UGT2A3: variants seen among roughly 807,000 people sequenced by gnomAD.
The protein encoded by UGT2A3 is UDP-glucuronosyltransferase 2A3.
A neutral mutation model predicts 44.1 loss-of-function variants in UGT2A3; 55 were observed. The ratio of observed to expected loss-of-function variants is 1.25; its 90% CI spans 1.00 to 1.56. The LOEUF (loss-of-function observed/expected upper bound fraction) is 1.56, where lower values mean the gene tolerates loss of function less well. UGT2A3 is among the 40% of genes most tolerant of loss of function. The pLI is 0.00. For synonymous variants in UGT2A3, 243 were observed against 215.1 expected (o/e 1.13, Z -1.13); for missense variants, 733 against 621.6 (o/e 1.18, Z -1.91).
chr4:68,947,423 T>C lies in UGT2A3; in HGVS notation c.716-1969A>G, dbSNP rs146086137. ...TTAGACAAACCTTCAGGCCCACTTA[T>C]AATTCTATTTCTTTTTTCATGACCA... On this transcript the variant is annotated intron_variant, in intron 1 of 5. Coordinates refer to ENST00000251566, the MANE Select transcript of UGT2A3 (RefSeq NM_024743.4). Among the ~76,000 whole-genome samples the C allele has an allele frequency of 3.3e-3, 498 of 151,878 alleles. 3 individuals are homozygous for C. The highest frequency in any genetic ancestry group is 0.012 in the African/African-American group (479 of 41,528).
chr4:68,932,094 T>A (rs913339349), intron 3 of UGT2A3, among the ~76,000 whole-genome samples: 3 of 151,974 alleles, frequency 2.0e-5, no homozygotes, highest in African/African-American at 4.8e-5. Context: ...TGGAGTATCA[T>A]AAATAATTAC....
chr4:68,945,855 T>C (rs1718367853), intron 1 of UGT2A3, among the ~76,000 whole-genome samples: 1 of 151,646 alleles, frequency 6.6e-6, no homozygotes, highest in Non-Finnish European at 1.5e-5. Context: ...CCTCTGCAAG[T>C]GAATTGCAGA....
At chr4:68,943,272 G>A (rs1296193776) in intron 2 of UGT2A3, 15 of 1,215,960 alleles carry the variant, frequency 1.2e-5, no homozygotes, top group Non-Finnish European at 1.5e-5. Flanking sequence ...AGAATGGCAT[G>A]GGAGATTACC....
intron 2 of UGT2A3, among the ~76,000 whole-genome samples, chr4:68,942,560 T>A (rs1456292779): frequency 6.8e-6 from 1 of 146,208 alleles, no homozygotes; most frequent in Non-Finnish European, 1.5e-5. Context: ...TGTTTATATA[T>A]ATCCATTTCA....
intron 1 of UGT2A3, among the ~76,000 whole-genome samples, chr4:68,946,453 A>G (rs541991802): frequency 1.3e-5 from 2 of 151,760 alleles, no homozygotes; most frequent in Non-Finnish European, 1.5e-5. Flanking sequence ...GTTTGAAGTT[A>G]TCAGAAATTA....
intron 1 of UGT2A3, 103 bp downstream of exon 1, chr4:68,950,943 A>C: frequency 1.2e-6 from 1 of 800,478 alleles, no homozygotes; most frequent in Middle Eastern, 3.2e-4. Flanking sequence ...CATTTTCTAA[A>C]AAAACTCATT....
Position 68,945,440 on chromosome 4 carries a change from A to G in UGT2A3, c.730T>C (p.Leu244=), listed in dbSNP as rs371785528. The change falls in exon 2 of 6, where the codon TTA becomes CTA. Residue 244 remains leucine (L), a synonymous_variant. Coordinates refer to ENST00000251566, the MANE Select transcript of UGT2A3 (RefSeq NM_024743.4). The part of the protein sequence containing the change: ...YSKALGRPTT[L]CETVGKAEIW... Reference sequence around the variant, plus strand: ...TCAGCTTTTCCCACAGTCTCACATAATGTAGTGGGCCTTCCTCAATAAAAG... The same window carrying G: ...TCAGCTTTTCCCACAGTCTCACATAGTGTAGTGGGCCTTCCTCAATAAAAG... The G allele has an allele frequency of 8.7e-6, 14 of 1,609,366 alleles. No individual in the cohort carries two copies. In the African/African-American group the frequency reaches 1.6e-4, roughly 18 times the overall value.
Position 68,948,441 on chromosome 4 carries a change from T to TC in UGT2A3, c.715+2604_715+2605insG, listed in dbSNP as rs1476375252. ...ATTTTTTTTCTTTTCTTTTTTTTCT[T>TC]TTTTTTTTTTTTTTTTTTGGTAGTG... On this transcript the variant is annotated intron_variant, in intron 1 of 5. Transcript: ENST00000251566. Among the ~76,000 whole-genome samples, 85 of 105,186 alleles carry TC rather than the reference T, an allele frequency of 8.1e-4. 1 individual carries two copies. Among genetic ancestry groups the TC allele is most frequent in the Non-Finnish European group, 1.2e-3 (60 of 48,832 alleles). 69.0% of individuals were successfully genotyped at this position (105,186 alleles called of 152,430 possible). A position where few individuals can be genotyped will look rare whatever the true frequency, so the allele number is the denominator to read the frequency against.
chr4:68,939,154 C>T (rs1718084643), intron 2 of UGT2A3, among the ~76,000 whole-genome samples: 1 of 152,134 alleles, frequency 6.6e-6, no homozygotes, highest in African/African-American at 2.4e-5. Context: ...ATGCCATGCC[C>T]ATCAAGCTAC....
intron 1 of UGT2A3, among the ~76,000 whole-genome samples, chr4:68,949,181 C>T (rs1718490986): frequency 6.6e-6 from 1 of 151,848 alleles, no homozygotes; most frequent in Non-Finnish European, 1.5e-5. Flanking sequence ...GATCAAATTT[C>T]AACACAGGAT....
At chr4:68,930,147 A>G (rs1272039622) in intron 5 of UGT2A3, 55 bp from the exon 6 acceptor site, 1 of 1,533,556 alleles carries the variant, frequency 6.5e-7, no homozygotes, top group Non-Finnish European at 8.8e-7. Context: ...GTTTTCATAA[A>G]AGACAGGTAG....
chr4:68,947,583 A>C (rs1718425858), intron 1 of UGT2A3, among the ~76,000 whole-genome samples: 1 of 151,802 alleles, frequency 6.6e-6, no homozygotes, highest in African/African-American at 2.4e-5. Flanking sequence ...GAATGTTCTT[A>C]ATGGAATCTA....
chr4:68,939,463 T>C (rs1023218025), intron 2 of UGT2A3, among the ~76,000 whole-genome samples: 2 of 152,162 alleles, frequency 1.3e-5, no homozygotes. Flanking sequence ...ATTCCCTATT[T>C]AATAAATGGT....
chr4:68,935,652 C>A (rs969430635), intron 2 of UGT2A3, among the ~76,000 whole-genome samples: 1 of 152,018 alleles, frequency 6.6e-6, no homozygotes, highest in Admixed American at 6.6e-5. Context: ...AGCGCCACTA[C>A]TCCTCCAAAG....
chr4:68,949,310 A>G (rs1718496381), intron 1 of UGT2A3, among the ~76,000 whole-genome samples: 1 of 151,858 alleles, frequency 6.6e-6, no homozygotes, highest in African/African-American at 2.4e-5. Context: ...TTTAGAAGTC[A>G]TTGTATGTTA....
intron 2 of UGT2A3, among the ~76,000 whole-genome samples, chr4:68,942,288 C>T (rs1383972183): frequency 6.7e-6 from 1 of 149,144 alleles, no homozygotes; most frequent in African/African-American, 2.5e-5. Context: ...TATGTCCATT[C>T]CATTGGATAT....
At chr4:68,946,262 T>C (rs1718381831) in intron 1 of UGT2A3, among the ~76,000 whole-genome samples, 1 of 151,738 alleles carries the variant, frequency 6.6e-6, no homozygotes, top group South Asian at 2.1e-4. Flanking sequence ...GATAAAAAGA[T>C]AAACTCCATA....
In UGT2A3 at chr4:68,929,770, T is replaced by G; in HGVS notation, c.*43A>C. On this transcript the variant is annotated 3_prime_UTR_variant, in exon 6 of 6. Coordinates refer to ENST00000251566, the MANE Select transcript of UGT2A3 (RefSeq NM_024743.4). ...TCACCAAATTCTATGTGGCTGGAATTAACAGGATTACCCCATCAGGTCTTT... is the reference window on the plus strand; with the variant it reads ...TCACCAAATTCTATGTGGCTGGAATGAACAGGATTACCCCATCAGGTCTTT... 6.8e-7 allele frequency: 1 copy of G among 1,477,154 alleles called. No individual in the cohort carries two copies. The highest frequency in any genetic ancestry group is 9.1e-7 in the Non-Finnish European group (1 of 1,097,366). The allele number at this position is 1,477,154 out of a possible 1,614,324, so 91.5% of individuals were successfully genotyped here. A position where few individuals can be genotyped will look rare whatever the true frequency, so the allele number is the denominator to read the frequency against.
At chr4:68,942,522 TATATATATATATATATA>T (rs1718235752) in intron 2 of UGT2A3, among the ~76,000 whole-genome samples, 2 of 13,638 alleles carry the variant, frequency 1.5e-4, no homozygotes, top group African/African-American at 2.3e-4. Flanking sequence ...TATATATATA[TATATATATATATATATA>T]CATTTTCCAA....
Sources: allele counts gnomAD v4.1 joint callset (sites outside exome capture counted in the v4.1 genomes callset), GRCh38; gene constraint gnomAD v4.1.1; transcripts MANE v1.5; gene names NCBI Gene and HGNC (gene_info 2026-07-23, HGNC 2026-07-21).